PPP2R5E: variants seen among roughly 807,000 people sequenced by gnomAD.
The protein encoded by PPP2R5E is protein phosphatase 2 regulatory subunit B'epsilon.
A neutral mutation model predicts 65.3 loss-of-function variants in PPP2R5E; 4 were observed. The ratio of observed to expected loss-of-function variants is 0.06; its 90% CI spans 0.03 to 0.14. The LOEUF (loss-of-function observed/expected upper bound fraction) is 0.14. Ranked by LOEUF, PPP2R5E falls within the 10% of genes least tolerant of loss-of-function variation. The pLI is 1.00. For missense variants in PPP2R5E, 274 were observed against 556.1 expected (o/e 0.49, Z 5.10); for synonymous variants, 183 against 187.4 (o/e 0.98, Z 0.19).
intron 3 of PPP2R5E, among the ~76,000 whole-genome samples, chr14:63,430,409 A>ACATACATACATGCATACATG (rs1887609004): frequency 1.4e-5 from 2 of 143,846 alleles, no homozygotes; most frequent in African/African-American, 5.8e-5. Context: ...ATGCATACAT[A>ACATACATACATGCATACATG]CATACATACA....
rs574875559 is a variant in PPP2R5E at position 63,375,319 on chromosome 14, G to C, written c.*690C>G. The C allele has an allele frequency of 6.6e-6, 1 of 152,664 alleles. No individual in the cohort carries two copies. The highest frequency in any genetic ancestry group is 6.5e-5 in the Admixed American group (1 of 15,300). 9.5% of individuals were successfully genotyped at this position (152,664 alleles called of 1,614,324 possible). A position where few individuals can be genotyped will look rare whatever the true frequency, so the allele number is the denominator to read the frequency against. ...TCACCATAAACTGATGCATGAATCC[G>C]ATATTCCCTTCCCTACTATGTTTAT... is the stretch of plus-strand genomic sequence containing the variant. On this transcript the variant is annotated 3_prime_UTR_variant, in exon 14 of 14. Transcript: ENST00000337537.
chr14:63,500,646 G>C (rs949791954), intron 2 of PPP2R5E, among the ~76,000 whole-genome samples: 1 of 152,142 alleles, frequency 6.6e-6, no homozygotes, highest in African/African-American at 2.4e-5. Flanking sequence ...TTGAGGCCAA[G>C]AGTTTGAGAC....
At chr14:63,385,282 T>C (rs1403412460) in intron 11 of PPP2R5E, among the ~76,000 whole-genome samples, 1 of 152,068 alleles carries the variant, frequency 6.6e-6, no homozygotes, top group Non-Finnish European at 1.5e-5. Flanking sequence ...GTGGAGATCA[T>C]GCCACTGAAC....
At chr14:63,448,569 T>C (rs1400891161) in intron 3 of PPP2R5E, among the ~76,000 whole-genome samples, 1 of 152,006 alleles carries the variant, frequency 6.6e-6, no homozygotes, top group Admixed American at 6.6e-5. Context: ...GGTGGGTAGA[T>C]CATGAGGTCA....
intron 3 of PPP2R5E, among the ~76,000 whole-genome samples, chr14:63,444,556 C>A (rs1321875890): frequency 6.6e-6 from 1 of 151,746 alleles, no homozygotes; most frequent in African/African-American, 2.4e-5. Context: ...ATGTCTTCAC[C>A]CATGAGATTT....
intron 2 of PPP2R5E, among the ~76,000 whole-genome samples, chr14:63,518,003 T>G (rs760625174): frequency 5.9e-5 from 9 of 152,166 alleles, no homozygotes; most frequent in Non-Finnish European, 1.3e-4. Context: ...ACATAAAAAC[T>G]TAAGATTGTG....
At chr14:63,516,769 A>G (rs1358678124) in intron 2 of PPP2R5E, among the ~76,000 whole-genome samples, 1 of 152,222 alleles carries the variant, frequency 6.6e-6, no homozygotes, top group African/African-American at 2.4e-5. Context: ...ATGCTTTCAC[A>G]TCTGTCATAG....
intron 2 of PPP2R5E, among the ~76,000 whole-genome samples, chr14:63,498,114 CT>C (rs1891672335): frequency 6.6e-6 from 1 of 152,184 alleles, no homozygotes; most frequent in African/African-American, 2.4e-5. Flanking sequence ...CTTAATATCT[CT>C]TCTTTGTAAT....
At position 63,429,595 on chromosome 14, in the gene PPP2R5E, T is replaced by A. The variant is rs369842407; in HGVS notation, c.355-7501A>T. Among the ~76,000 whole-genome samples the A allele has an allele frequency of 4.6e-5, 7 of 152,360 alleles. No individual in the cohort carries two copies. In the East Asian group the frequency reaches 1.2e-3, roughly 25 times the overall value. On this transcript the variant is annotated intron_variant, in intron 3 of 13. Transcript: ENST00000337537. The stretch of plus-strand genomic sequence containing the variant: ...TGCATTAGAAAGAAACCAAAATGAT[T>A]TAATCATTTACAACCAGGAGGGGCT...
chr14:63,478,155 CA>C (rs1890499824), intron 2 of PPP2R5E, among the ~76,000 whole-genome samples: 1 of 152,082 alleles, frequency 6.6e-6, no homozygotes, highest in African/African-American at 2.4e-5. Flanking sequence ...GAACTGAAAA[CA>C]GACTATTTTC....
chr14:63,392,583 T>C (rs992296648), intron 8 of PPP2R5E, among the ~76,000 whole-genome samples: 4 of 152,232 alleles, frequency 2.6e-5, no homozygotes, highest in Admixed American at 1.3e-4. Context: ...CTAAGTAAGA[T>C]TGTTTAAAAT....
chr14:63,402,955 G>T (rs1010122552), intron 5 of PPP2R5E, among the ~76,000 whole-genome samples: 1 of 152,190 alleles, frequency 6.6e-6, no homozygotes, highest in African/African-American at 2.4e-5. Flanking sequence ...CTTTCTGGAT[G>T]TGGAGACAAA....
At chr14:63,501,021 A>C (rs1384775327) in intron 2 of PPP2R5E, among the ~76,000 whole-genome samples, 1 of 152,182 alleles carries the variant, frequency 6.6e-6, no homozygotes, top group Non-Finnish European at 1.5e-5. Context: ...CCACTTTACA[A>C]ATCAGGAGAC....
chr14:63,512,026 C>CTGAGATTG (rs1384881294), intron 2 of PPP2R5E, among the ~76,000 whole-genome samples: 2 of 138,556 alleles, frequency 1.4e-5, no homozygotes, highest in African/African-American at 5.5e-5. Flanking sequence ...TTGCAGTGAG[C>CTGAGATTG]TGAGATTGTG....
intron 3 of PPP2R5E, among the ~76,000 whole-genome samples, chr14:63,449,477 G>A (rs1888689916): frequency 6.6e-6 from 1 of 152,104 alleles, no homozygotes; most frequent in Non-Finnish European, 1.5e-5. Context: ...ACCCCCCAAA[G>A]ACAGGTATTA....
chr14:63,534,358 G>A lies in PPP2R5E; in HGVS notation c.157+5171C>T, dbSNP rs867992335. On this transcript the variant is annotated intron_variant, in intron 2 of 13. Coordinates refer to ENST00000337537, the MANE Select transcript of PPP2R5E (RefSeq NM_006246.5). ...GAGCTCACTGCAACCTCCACCTCCC[G>A]GGGTCAAGTGATTCTCCTGCCTCAG... Among the ~76,000 whole-genome samples, 43 of 151,904 alleles carry A rather than the reference G, an allele frequency of 2.8e-4. 1 individual carries two copies. Among genetic ancestry groups the A allele is most frequent in the African/African-American group, 9.9e-4 (41 of 41,434 alleles).
chr14:63,429,937 G>A (rs1210271726), intron 3 of PPP2R5E, among the ~76,000 whole-genome samples: 1 of 151,988 alleles, frequency 6.6e-6, no homozygotes, highest in African/African-American at 2.4e-5. Context: ...ACCCGCCTTG[G>A]CCTCCCAAAG....
At chr14:63,532,785 T>C (rs1269798612) in intron 2 of PPP2R5E, among the ~76,000 whole-genome samples, 3 of 152,196 alleles carry the variant, frequency 2.0e-5, no homozygotes, top group Admixed American at 2.0e-4. Flanking sequence ...TGCGACAATG[T>C]ATCACGACAT....
At chr14:63,527,261 A>T (rs1893220097) in intron 2 of PPP2R5E, among the ~76,000 whole-genome samples, 1 of 152,262 alleles carries the variant, frequency 6.6e-6, no homozygotes, top group South Asian at 2.1e-4. Flanking sequence ...AGCCACTTTA[A>T]ATTCTGATTC....
Sources: allele counts gnomAD v4.1 joint callset (sites outside exome capture counted in the v4.1 genomes callset), GRCh38; gene constraint gnomAD v4.1.1; transcripts MANE v1.5; gene names NCBI Gene and HGNC (gene_info 2026-07-23, HGNC 2026-07-21).